The following AFDN variants were observed in gnomAD, a reference collection of about 807,000 sequenced individuals.
AFDN encodes afadin.
Under a neutral mutation model 216.6 loss-of-function variants are expected in AFDN, and 68 were observed. The ratio of observed to expected loss-of-function variants is 0.31; its 90% CI spans 0.26 to 0.38. AFDN has a LOEUF of 0.38. AFDN is among the 10% of genes least tolerant of loss of function. The probability of loss-of-function intolerance (pLI) is 1.00; values close to 1 mark genes in which losing one functional copy is unlikely to be tolerated. For synonymous variants in AFDN, 868 were observed against 853.7 expected (o/e 1.02, Z -0.29); for missense variants, 2,136 against 2,342.0 (o/e 0.91, Z 1.82).
chr6:167,889,708 T>A (rs923706633), intron 7 of AFDN, among the ~76,000 whole-genome samples: 2 of 152,218 alleles, frequency 1.3e-5, no homozygotes, highest in African/African-American at 4.8e-5. Context: ...GTTGCCGTTG[T>A]CCCTAAGACC....
chr6:167,833,487 A>C (rs1375050808), intron 1 of AFDN, among the ~76,000 whole-genome samples: 1 of 152,180 alleles, frequency 6.6e-6, no homozygotes, highest in African/African-American at 2.4e-5. Flanking sequence ...TACATGTTCT[A>C]TTAAAGGAAA....
At chr6:167,864,300 G>C in intron 1 of AFDN, 1 of 694,118 alleles carries the variant, frequency 1.4e-6, no homozygotes, top group Non-Finnish European at 2.7e-6. Context: ...GTTAGCTGTT[G>C]ATAACATCAT....
chr6:167,899,036 A>G (rs947355984), intron 11 of AFDN, among the ~76,000 whole-genome samples: 7 of 152,036 alleles, frequency 4.6e-5, no homozygotes, highest in East Asian at 1.9e-4. Context: ...TTCATTGTCT[A>G]TTTTTCATGC....
chr6:167,943,038 T>C (rs890803141), intron 23 of AFDN, 91 bp from the exon 24 acceptor site: 80 of 910,070 alleles, frequency 8.8e-5, no homozygotes, highest in Non-Finnish European at 1.3e-4. Flanking sequence ...GTGTACATGT[T>C]GGGTGGTTTT....
Position 167,915,342 on chromosome 6 carries a change from T to A in AFDN, c.2474T>A (p.Ile825Asn). Reference sequence around the variant, plus strand: ...CTGTGCTCCCATTACTGGGGTGCGATTATCCGTCAGCAGTTGGGCCATATT... The same window carrying A: ...CTGTGCTCCCATTACTGGGGTGCGAATATCCGTCAGCAGTTGGGCCATATT... ...SGLCSHYWGAIIRQQLGHIEA... is the reference protein window; with the variant it reads ...SGLCSHYWGANIRQQLGHIEA... The change falls in exon 19 of 34, where the codon ATT becomes AAT. Residue 825 changes from isoleucine (I) to asparagine (N), a missense_variant. Ile to Asn is a moderately radical substitution (Grantham distance 149). Transcript: ENST00000683244. 1 of 1,614,224 alleles carries A rather than the reference T, an allele frequency of 6.2e-7. No homozygotes were observed. The highest frequency in any genetic ancestry group is 8.5e-7 in the Non-Finnish European group (1 of 1,180,036).
intron 9 of AFDN, among the ~76,000 whole-genome samples, chr6:167,894,470 T>C (rs1787990068): frequency 6.6e-6 from 1 of 152,332 alleles, no homozygotes; most frequent in Admixed American, 6.5e-5. Context: ...GCAACGGTTT[T>C]ATATGTTACT....
intron 1 of AFDN, among the ~76,000 whole-genome samples, chr6:167,852,571 T>G (rs1286128749): frequency 6.6e-6 from 1 of 152,186 alleles, no homozygotes; most frequent in Non-Finnish European, 1.5e-5. Context: ...CATTCGGAGA[T>G]CTTTGTCTAA....
intron 1 of AFDN, among the ~76,000 whole-genome samples, chr6:167,829,657 T>A (rs1779613219): frequency 6.6e-6 from 1 of 152,068 alleles, no homozygotes; most frequent in African/African-American, 2.4e-5. Context: ...TATGAGAGTA[T>A]AGTTGTGGGT....
chr6:167,917,247 C>T lies in AFDN; in HGVS notation c.2709+15C>T. 6.3e-7 allele frequency: 1 copy of T among 1,575,062 alleles called. No homozygotes were observed. Among genetic ancestry groups the T allele is most frequent in the South Asian group, 1.2e-5 (1 of 83,052 alleles). On this transcript the variant is annotated intron_variant, in intron 20 of 33. Transcript: ENST00000683244. ...TTATCCCAACGGTGAGTGGATGTTGCCACATTACCACACAGTGCGGGACAT... is the reference window on the plus strand; with the variant it reads ...TTATCCCAACGGTGAGTGGATGTTGTCACATTACCACACAGTGCGGGACAT...
chr6:167,873,954 G>A (rs1051715120), intron 4 of AFDN, among the ~76,000 whole-genome samples: 2 of 152,176 alleles, frequency 1.3e-5, no homozygotes, highest in African/African-American at 2.4e-5. Flanking sequence ...GTTTAGATAT[G>A]AATCTACTAG....
At chr6:167,885,613 T>C (rs547024398) in intron 6 of AFDN, among the ~76,000 whole-genome samples, 1 of 152,302 alleles carries the variant, frequency 6.6e-6, no homozygotes, top group South Asian at 2.1e-4. Context: ...ACATCAGAGA[T>C]CACAGATCAC....
At position 167,866,566 on chromosome 6, in the gene AFDN, G is replaced by A. The variant is rs1583211531; in HGVS notation, c.301+1820G>A. The stretch of plus-strand genomic sequence containing the variant: ...GAAAAATAGTACACATAAAATGATG[G>A]AAAACTGAAGCTTTCATTTTATTCT... On this transcript the variant is annotated intron_variant, in intron 2 of 33. Coordinates refer to ENST00000683244, the MANE Select transcript of AFDN (RefSeq NM_001386888.1). Among the ~76,000 whole-genome samples the A allele has an allele frequency of 2.0e-5, 3 of 152,306 alleles. No homozygotes were observed. In the South Asian group the frequency reaches 6.2e-4, roughly 32 times the overall value.
At position 167,962,662 on chromosome 6, in the gene AFDN, TAAG is replaced by T; in HGVS notation, c.4968+99_4968+101del. The T allele has an allele frequency of 7.5e-6, 12 of 1,590,432 alleles. No individual in the cohort carries two copies. Among genetic ancestry groups the T allele is most frequent in the Admixed American group, 3.4e-5 (2 of 58,920 alleles). The stretch of plus-strand genomic sequence containing the variant: ...AGCGGGCTGGAAGTTCTGTGTTTCT[TAAG>T]AAGCACGAGGCAGAGCAGGGCCTGG... On this transcript the variant is annotated intron_variant, in intron 31 of 33. Transcript: ENST00000683244. This position sits in a 1 kb window ranked among gnomAD's most constrained non-coding sequence, Gnocchi z 5.2.
At chr6:167,916,794 A>G (rs1334901540) in intron 19 of AFDN, among the ~76,000 whole-genome samples, 1 of 152,192 alleles carries the variant, frequency 6.6e-6, no homozygotes, top group African/African-American at 2.4e-5. Context: ...CTGAATGGTC[A>G]AGTAAATGTT....
intron 25 of AFDN, 109 bp downstream of exon 25, chr6:167,943,584 C>T (rs191818246): frequency 2.4e-6 from 2 of 843,510 alleles, no homozygotes; most frequent in African/African-American, 1.7e-5. Flanking sequence ...GCTCATATTA[C>T]TCTTTACCTT....
At chr6:167,928,565 G>T (rs1792863982) in intron 23 of AFDN, among the ~76,000 whole-genome samples, 1 of 152,232 alleles carries the variant, frequency 6.6e-6, no homozygotes, top group East Asian at 1.9e-4. Context: ...AGAGGGGAAG[G>T]AGTGCAAAAG....
At chr6:167,947,996 T>C (rs754864863) in intron 28 of AFDN, 52 bp downstream of exon 28, 4 of 1,372,524 alleles carry the variant, frequency 2.9e-6, no homozygotes, top group Non-Finnish European at 4.1e-6. Context: ...ATCCTTAGGG[T>C]TCCCTTTGGA....
At chr6:167,833,252 A>G (rs774044610) in intron 1 of AFDN, among the ~76,000 whole-genome samples, 1 of 152,232 alleles carries the variant, frequency 6.6e-6, no homozygotes, top group Non-Finnish European at 1.5e-5. Context: ...TGACTATAGT[A>G]ACAACAGCAG....
intron 30 of AFDN, among the ~76,000 whole-genome samples, chr6:167,957,468 CAA>C (rs1446969858): frequency 1.3e-5 from 2 of 152,140 alleles, no homozygotes; most frequent in African/African-American, 4.8e-5. Flanking sequence ...GTTAGCATCT[CAA>C]GAGTAAAGCT....
Sources: gnomAD v4.1 joint callset for allele counts (sites outside exome capture counted in the v4.1 genomes callset) on GRCh38, gnomAD v4.1.1 for gene constraint, Gnocchi (gnomAD v3.1) non-coding constraint, MANE v1.5 for transcripts, NCBI Gene and HGNC (gene_info 2026-07-23, HGNC 2026-07-21) for gene names.